EXOC6B: variants seen among roughly 807,000 people sequenced by gnomAD.
EXOC6B encodes the protein SEC15 homolog B.
In EXOC6B, 54 loss-of-function variants were observed where a neutral mutation model predicts 113.5. The observed-to-expected ratio is 0.48, with a 90% CI of 0.38 to 0.60. The LOEUF (loss-of-function observed/expected upper bound fraction) is 0.60, where lower values mean the gene tolerates loss of function less well. EXOC6B is among the 20% of genes least tolerant of loss of function. EXOC6B has a pLI of 0.00. For synonymous variants in EXOC6B, 357 were observed against 339.0 expected (o/e 1.05, Z -0.58); for missense variants, 797 against 977.5 (o/e 0.82, Z 2.46).
rs546781344 is a variant in EXOC6B, at chr2:72,417,210, T to C, written c.1981-37340A>G. On this transcript the variant is annotated intron_variant, in intron 18 of 21. Coordinates refer to ENST00000272427, the MANE Select transcript of EXOC6B (RefSeq NM_015189.3). ...ATTACTGTCAGATACTCTGGCTTTG[T>C]AGCATTTTAATTCACTCTGGTCGAC... 9.2e-5 allele frequency among the ~76,000 whole-genome samples: 14 copies of C among 152,344 alleles called. No individual in the cohort carries two copies. The South Asian group carries it at 2.9e-3, about 32-fold the overall frequency.
At chr2:72,768,780 T>C (rs1304660678) in intron 1 of EXOC6B, among the ~76,000 whole-genome samples, 3 of 152,104 alleles carry the variant, frequency 2.0e-5, no homozygotes, top group African/African-American at 7.2e-5. Context: ...CAGTCCATAG[T>C]TTCAAGCCCT....
At chr2:72,266,652 C>T (rs1275589608) in intron 20 of EXOC6B, among the ~76,000 whole-genome samples, 1 of 152,240 alleles carries the variant, frequency 6.6e-6, no homozygotes, top group South Asian at 2.1e-4. Context: ...GTTTTGGTTA[C>T]TGTAGCCTTG....
intron 20 of EXOC6B, among the ~76,000 whole-genome samples, chr2:72,216,825 C>A (rs1300565199): frequency 6.6e-6 from 1 of 152,262 alleles, no homozygotes; most frequent in East Asian, 1.9e-4. Context: ...ACCACATGTT[C>A]TCATTCATAA....
At chr2:72,198,805 G>A (rs895368760) in intron 20 of EXOC6B, among the ~76,000 whole-genome samples, 1 of 152,170 alleles carries the variant, frequency 6.6e-6, no homozygotes, top group African/African-American at 2.4e-5. Context: ...AGCTATGCCA[G>A]TACTTACACA....
intron 6 of EXOC6B, among the ~76,000 whole-genome samples, chr2:72,617,280 G>A (rs886124403): frequency 1.3e-5 from 2 of 152,090 alleles, no homozygotes; most frequent in Non-Finnish European, 2.9e-5. Flanking sequence ...AGCTGTGGGT[G>A]GATCCACAAT....
chr2:72,401,531 A>ATATATGTATATATG (rs1693199431), intron 18 of EXOC6B, among the ~76,000 whole-genome samples: 1 of 30,358 alleles, frequency 3.3e-5, no homozygotes, highest in Non-Finnish European at 5.0e-5. Flanking sequence ...ATACATATAT[A>ATATATGTATATATG]TATATATATA....
At chr2:72,376,631 C>A (rs1322097352) in intron 19 of EXOC6B, among the ~76,000 whole-genome samples, 1 of 151,924 alleles carries the variant, frequency 6.6e-6, no homozygotes, top group Non-Finnish European at 1.5e-5. Flanking sequence ...AACTTTGAAC[C>A]CAGTTATGTA....
intron 6 of EXOC6B, among the ~76,000 whole-genome samples, chr2:72,631,303 T>G (rs1672376791): frequency 2.0e-5 from 3 of 151,268 alleles, no homozygotes; most frequent in Admixed American, 2.0e-4. Context: ...CAAAGATAAA[T>G]TATCCATAAT....
chr2:72,721,077 C>G (rs1679970258), intron 5 of EXOC6B, among the ~76,000 whole-genome samples: 1 of 151,950 alleles, frequency 6.6e-6, no homozygotes, highest in Non-Finnish European at 1.5e-5. Flanking sequence ...GCCTGTAATT[C>G]CAGCACTTTG....
chr2:72,269,645 A>T (rs1318498831), intron 20 of EXOC6B, among the ~76,000 whole-genome samples: 2 of 151,950 alleles, frequency 1.3e-5, no homozygotes, highest in Non-Finnish European at 2.9e-5. Flanking sequence ...ACCCTCTCTT[A>T]AAAAAAAGGC....
At chr2:72,668,486 A>G (rs11685114) in intron 6 of EXOC6B, among the ~76,000 whole-genome samples, 93,435 of 151,922 alleles carry the variant, frequency 0.62, 34,801 homozygotes, top group East Asian at 0.99. Flanking sequence ...TTGCAGAGCT[A>G]GTTACAACAG....
intron 6 of EXOC6B, among the ~76,000 whole-genome samples, chr2:72,591,955 T>C (rs188459532): frequency 7.2e-4 from 109 of 152,116 alleles, no homozygotes; most frequent in African/African-American, 2.5e-3. Context: ...TTAAAAACCA[T>C]GTATTGAAAG....
Position 72,569,219 on chromosome 2 carries a change from A to G in EXOC6B, c.846+6273T>C, listed in dbSNP as rs539192315. Among the ~76,000 whole-genome samples, 7 of 152,228 alleles carry G rather than the reference A, an allele frequency of 4.6e-5. No homozygotes were observed. The Middle Eastern group carries it at 0.014, about 296-fold the overall frequency. On this transcript the variant is annotated intron_variant, in intron 7 of 21. Coordinates refer to ENST00000272427, the MANE Select transcript of EXOC6B (RefSeq NM_015189.3). The stretch of plus-strand genomic sequence containing the variant: ...TAAAATTCAAAGCCTACAGGTGTCA[A>G]TGGGTATTGGGATTAAGTGATGGAT...
intron 8 of EXOC6B, among the ~76,000 whole-genome samples, chr2:72,550,169 GA>G (rs140033819): frequency 1.1e-3 from 166 of 150,224 alleles, no homozygotes; most frequent in African/African-American, 3.5e-3. Context: ...TACAAAATAA[GA>G]AAAAAAAATT....
At chr2:72,387,428 A>C (rs1217005695) in intron 18 of EXOC6B, among the ~76,000 whole-genome samples, 2 of 152,200 alleles carry the variant, frequency 1.3e-5, no homozygotes, top group Non-Finnish European at 2.9e-5. Flanking sequence ...AATGTTTGAT[A>C]GAATTTACTA....
intron 8 of EXOC6B, among the ~76,000 whole-genome samples, chr2:72,533,440 G>A (rs1323299372): frequency 2.0e-5 from 3 of 152,164 alleles, no homozygotes; most frequent in East Asian, 1.9e-4. Flanking sequence ...GCAGAATTCT[G>A]ACAGGCCCAA....
intron 20 of EXOC6B, among the ~76,000 whole-genome samples, chr2:72,295,649 G>C (rs1405153455): frequency 6.6e-6 from 1 of 152,170 alleles, no homozygotes; most frequent in Non-Finnish European, 1.5e-5. Flanking sequence ...GTAAGAAGTG[G>C]AACAAGGCTT....
At chr2:72,786,149 T>C (rs1178506774) in intron 1 of EXOC6B, among the ~76,000 whole-genome samples, 2 of 152,182 alleles carry the variant, frequency 1.3e-5, no homozygotes, top group East Asian at 1.9e-4. Context: ...AAAGTTAATA[T>C]ACAGAAAATA....
chr2:72,651,125 A>G (rs1214890999), intron 6 of EXOC6B, among the ~76,000 whole-genome samples: 1 of 152,238 alleles, frequency 6.6e-6, no homozygotes, highest in Non-Finnish European at 1.5e-5. Flanking sequence ...GCAATTACAT[A>G]AAGTAATATC....
Sources: gnomAD v4.1 joint callset for allele counts (sites outside exome capture counted in the v4.1 genomes callset) on GRCh38, gnomAD v4.1.1 for gene constraint, MANE v1.5 for transcripts, NCBI Gene and HGNC (gene_info 2026-07-23, HGNC 2026-07-21) for gene names.